Variants in CCAR1 observed in about 807,000 individuals in gnomAD.
CCAR1 encodes cell division cycle and apoptosis regulator protein 1.
CCAR1 carries 78 observed loss-of-function variants against 163.8 expected under a neutral mutation model. That is an observed-to-expected ratio of 0.48 (90% confidence interval 0.40 to 0.57). CCAR1 has a LOEUF of 0.57. Ranked by LOEUF, CCAR1 falls within the 20% of genes least tolerant of loss-of-function variation. The pLI is 0.00. For synonymous variants in CCAR1, 443 were observed against 460.7 expected, an observed-to-expected ratio of 0.96 and a Z score of 0.49; for missense variants, 1,019 against 1,365.2, an observed-to-expected ratio of 0.75 and a Z score of 4.00.
chr10:68,772,178 C>T (rs2056612072), intron 18 of CCAR1, among the ~76,000 whole-genome samples: 1 of 152,092 alleles, frequency 6.6e-6, no homozygotes, highest in Non-Finnish European at 1.5e-5. Context: ...CGCACCCAGC[C>T]TAATTATTAT....
At chr10:68,771,830 C>T (rs968452213) in intron 18 of CCAR1, among the ~76,000 whole-genome samples, 1 of 151,992 alleles carries the variant, frequency 6.6e-6, no homozygotes, top group African/African-American at 2.4e-5. Flanking sequence ...CCAATATGAG[C>T]ATCTACAGCT....
rs1042908560 is a variant in CCAR1, at chr10:68,749,322, A to G, written c.956+57A>G. On this transcript the variant is annotated intron_variant, in intron 9 of 24. Coordinates refer to ENST00000265872, the MANE Select transcript of CCAR1 (RefSeq NM_018237.4). ...GCAATGGTTGTACAACAATGGAAAC[A>G]TAGTTAATGCCACTGAACTATGCTT... 1.3e-5 allele frequency: 19 copies of G among 1,498,648 alleles called. No homozygotes were observed. The African/African-American group carries it at 2.1e-4, about 17-fold the overall frequency. 92.8% of individuals were successfully genotyped at this position (1,498,648 alleles called of 1,614,324 possible). A position where few individuals can be genotyped will look rare whatever the true frequency, so the allele number is the denominator to read the frequency against.
In CCAR1 at chr10:68,791,311, T is replaced by A. The variant is rs1228641318; in HGVS notation, c.*45T>A. The A allele has an allele frequency of 7.8e-7, 1 of 1,286,788 alleles. No homozygotes were observed. The highest frequency in any genetic ancestry group is 1.5e-5 in the African/African-American group (1 of 66,456). The allele number at this position is 1,286,788 out of a possible 1,614,324, so 79.7% of individuals were successfully genotyped here. ...AGGAATGGTGTTAAATAATGTAATA[T>A]ATAAAAATCATGATATAAGAATGTT... On this transcript the variant is annotated 3_prime_UTR_variant, in exon 25 of 25. Transcript: ENST00000265872.
In CCAR1 at chr10:68,749,189, C is replaced by T; in HGVS notation, c.880C>T (p.Arg294Ter). The T allele has an allele frequency of 6.2e-7, 1 of 1,613,588 alleles. No individual in the cohort carries two copies. Among genetic ancestry groups the T allele is most frequent in the South Asian group, 1.1e-5 (1 of 90,968 alleles). Residue 294 changes from arginine to a stop codon, truncating the protein, a stop_gained, in exon 9 of 25, where the codon CGA becomes TGA. Transcript: ENST00000265872. LOFTEE classifies it high-confidence loss of function. ...RIVSQPQPAR[R>*]LDPPSRFSGR... ...AGTTTCACAGCCACAACCGGCACGA[C>T]GATTAGATCCCCCATCCCGATTTTC...
chr10:68,776,588 C>T (rs1328778922), intron 19 of CCAR1, among the ~76,000 whole-genome samples: 3 of 152,122 alleles, frequency 2.0e-5, no homozygotes, highest in Non-Finnish European at 2.9e-5. Context: ...AAGATAAGGT[C>T]TGTCACCCAG....
chr10:68,730,761 G>T (rs577593828), intron 2 of CCAR1, among the ~76,000 whole-genome samples: 1 of 152,064 alleles, frequency 6.6e-6, no homozygotes, highest in African/African-American at 2.4e-5. Flanking sequence ...GTGCAGTCAC[G>T]CTCGCTGTAG....
At chr10:68,736,787 T>C in intron 2 of CCAR1, 89 bp from the exon 3 acceptor site, 2 of 1,069,756 alleles carry the variant, frequency 1.9e-6, no homozygotes, top group Non-Finnish European at 2.7e-6. Flanking sequence ...AACATGGGGG[T>C]GCGGGTATCT....
chr10:68,747,800 TA>T (rs1396656388), intron 8 of CCAR1, among the ~76,000 whole-genome samples: 1 of 152,244 alleles, frequency 6.6e-6, no homozygotes, highest in East Asian at 1.9e-4. Flanking sequence ...AATTACTTAT[TA>T]AACCATACCA....
At chr10:68,744,394 G>GT in intron 6 of CCAR1, among the ~76,000 whole-genome samples, 1 of 152,304 alleles carries the variant, frequency 6.6e-6, no homozygotes, top group South Asian at 2.1e-4. Context: ...GGAGTCCAAA[G>GT]TAGGTGGATG....
In CCAR1 at chr10:68,736,911, G is replaced by A. The variant is rs182939954; in HGVS notation, c.109G>A (p.Ala37Thr). 1.9e-6 allele frequency: 3 copies of A among 1,613,834 alleles called. No individual in the cohort carries two copies. The highest frequency in any genetic ancestry group is 4.5e-5 in the East Asian group (2 of 44,866). ...TGTTCAACAGCCATCACTCCTTGGA[G>A]CATCTCCTACCATTTATACACAGCA... The part of the protein sequence containing the change: ...LGVQQPSLLG[A>T]SPTIYTQQTA... The change falls in exon 3 of 25, where the codon GCA becomes ACA. Residue 37 changes from alanine (A) to threonine (T), a missense_variant. By Grantham distance (58) the Ala-to-Thr change is moderately conservative. Around this residue, in one of 4 missense-constraint regions of CCAR1, gnomAD observed 644 missense variants for 904.4 expected, o/e 0.71. Transcript: ENST00000265872.
At chr10:68,752,925 TAGA>T (rs1564538844) in intron 10 of CCAR1, among the ~76,000 whole-genome samples, 1,640 of 150,678 alleles carry the variant, frequency 0.011, 32 homozygotes, top group African/African-American at 0.037. Flanking sequence ...GATAGATAGA[TAGA>T]TAGATAGATA....
In CCAR1 at chr10:68,778,318, G is replaced by A. The variant is rs560183228; in HGVS notation, c.2650+5219G>A. On this transcript the variant is annotated intron_variant, in intron 19 of 24. Transcript: ENST00000265872. ...TTAACCCCTCTTCTTGAGAAGAGTG[G>A]ACCCCTCACATATGCTTCTATGTTA... 8.6e-4 allele frequency among the ~76,000 whole-genome samples: 131 copies of A among 152,244 alleles called. 1 individual carries two copies. Among genetic ancestry groups the A allele is most frequent in the African/African-American group, 3.1e-3 (127 of 41,562 alleles).
chr10:68,761,394 C>T (rs1390963493), intron 16 of CCAR1, among the ~76,000 whole-genome samples: 6 of 152,136 alleles, frequency 3.9e-5, no homozygotes, highest in Non-Finnish European at 8.8e-5. Context: ...GCAACCTCCG[C>T]ATCCCAGGTT....
intron 2 of CCAR1, among the ~76,000 whole-genome samples, chr10:68,733,208 G>A (rs1412369314): frequency 2.0e-5 from 3 of 151,252 alleles, no homozygotes; most frequent in African/African-American, 4.9e-5. Flanking sequence ...CCAGGAATTC[G>A]ACACCAGCCT....
rs533836323 is a variant in CCAR1 at position 68,773,644 on chromosome 10, C to A, written c.2650+545C>A. ...TCGTGCCATTGCACTCCAGTCTGGG[C>A]AATAGAGTGAGACCCTGTCTCAAAA... On this transcript the variant is annotated intron_variant, in intron 19 of 24. Coordinates refer to ENST00000265872, the MANE Select transcript of CCAR1 (RefSeq NM_018237.4). Among the ~76,000 whole-genome samples, 20 of 150,042 alleles carry A rather than the reference C, an allele frequency of 1.3e-4. No homozygotes were observed. The East Asian group carries it at 3.2e-3, about 24-fold the overall frequency.
chr10:68,723,425 G>T (rs546289392), intron 2 of CCAR1, among the ~76,000 whole-genome samples: 1 of 151,012 alleles, frequency 6.6e-6, no homozygotes, highest in African/African-American at 2.4e-5. Context: ...CACCGCACCC[G>T]GCAGTTTTGT....
intron 19 of CCAR1, 66 bp from the exon 20 acceptor site, chr10:68,786,070 C>A: frequency 9.7e-7 from 1 of 1,035,802 alleles, no homozygotes; most frequent in Non-Finnish European, 1.5e-6. Flanking sequence ...CAGTCATGTG[C>A]CACTGTGCCC....
Position 68,749,357 on chromosome 10 carries a change from A to C in CCAR1, c.956+92A>C, listed in dbSNP as rs552837539. On this transcript the variant is annotated intron_variant, in intron 9 of 24. Coordinates refer to ENST00000265872, the MANE Select transcript of CCAR1 (RefSeq NM_018237.4). ...CCACTGAACTATGCTTATAATATAA[A>C]ATTTTAAAATGGTAAATTTTATGTT... The C allele has an allele frequency of 3.9e-5, 53 of 1,357,830 alleles. No individual in the cohort carries two copies. The East Asian group carries it at 1.3e-3, about 34-fold the overall frequency. The allele number at this position is 1,357,830 out of a possible 1,614,324, so 84.1% of individuals were successfully genotyped here. A position where few individuals can be genotyped will look rare whatever the true frequency, so the allele number is the denominator to read the frequency against.
At chr10:68,747,125 T>G in intron 6 of CCAR1, 36 bp from the exon 7 acceptor site, 1 of 1,093,576 alleles carries the variant, frequency 9.1e-7, no homozygotes, top group Non-Finnish European at 1.3e-6. Context: ...TTAATTGTAT[T>G]TATATTTAAC....
Sources: allele counts gnomAD v4.1 joint callset (sites outside exome capture counted in the v4.1 genomes callset), GRCh38; gene constraint gnomAD v4.1.1; regional missense constraint gnomAD v4.1.1; transcripts MANE v1.5; gene names NCBI Gene and HGNC (gene_info 2026-07-23, HGNC 2026-07-21).